Variants in PCGF6 observed in about 807,000 individuals in gnomAD.
PCGF6 encodes the protein polycomb group ring finger 6.
PCGF6 carries 24 observed loss-of-function variants against 45.5 expected under a neutral mutation model. The ratio of observed to expected loss-of-function variants is 0.53; its 90% confidence interval spans 0.38 to 0.74. The LOEUF is 0.74. Among genes scored for constraint, PCGF6 ranks in the 30% least tolerant of loss-of-function variants. The pLI, the probability that PCGF6 is intolerant of heterozygous loss-of-function variation, is 0.00. For synonymous variants in PCGF6, 152 were observed against 162.1 expected, an observed-to-expected ratio of 0.94 and a Z score of 0.47; for missense variants, 356 against 443.2, an observed-to-expected ratio of 0.80 and a Z score of 1.77.
chr10:103,347,407 T>G lies in PCGF6; in HGVS notation c.601A>C (p.Asn201His), dbSNP rs1393899480. The change falls in exon 4 of 10, where the codon AAT becomes CAT. Residue 201 changes from asparagine (N) to histidine (H), a missense_variant. Transcript: ENST00000369847. Reference protein sequence around the residue: ...LQDIVYKLVINLEEREKKQMH... With the variant: ...LQDIVYKLVIHLEEREKKQMH... ...AAAAGAAACTTACTTTCCTCTAGAT[T>G]GATCACTAATTTGTACACTATGTCT... 6.2e-7 allele frequency: 1 copy of G among 1,606,962 alleles called. No individual in the cohort carries two copies. The highest frequency in any genetic ancestry group is 1.7e-5 in the Admixed American group (1 of 59,886).
intron 2 of PCGF6, 24 bp from the exon 3 acceptor site, chr10:103,348,836 C>T: frequency 1.9e-6 from 3 of 1,605,910 alleles, no homozygotes; most frequent in Non-Finnish European, 1.7e-6. Flanking sequence ...ATGTTGAAGT[C>T]AGGATGCTTT....
At chr10:103,325,852 TAAAAA>T (rs34739627) in intron 8 of PCGF6, among the ~76,000 whole-genome samples, 2 of 135,240 alleles carry the variant, frequency 1.5e-5, no homozygotes, top group Non-Finnish European at 3.1e-5. Flanking sequence ...CCGCATCTCT[TAAAAA>T]AAAAAAAAAA....
rs2093150472 is a variant in PCGF6, at chr10:103,309,840, T to C, written c.996+4346A>G. Among the ~76,000 whole-genome samples the C allele has an allele frequency of 2.0e-5, 3 of 152,088 alleles. No homozygotes were observed. The South Asian group carries it at 6.2e-4, about 32-fold the overall frequency. ...CTGTTGTCCCAGCTACTTGGGAGGC[T>C]GAGGTGGGAAGAGATCAATTGAGCC... On this transcript the variant is annotated intron_variant, in intron 9 of 9. Coordinates refer to ENST00000369847, the MANE Select transcript of PCGF6 (RefSeq NM_001011663.2).
At chr10:103,349,211 C>A (rs2093310884) in intron 1 of PCGF6, among the ~76,000 whole-genome samples, 1 of 151,734 alleles carries the variant, frequency 6.6e-6, no homozygotes, top group African/African-American at 2.4e-5. Context: ...CCACGCCTGG[C>A]TAATTTTTGT....
intron 6 of PCGF6, among the ~76,000 whole-genome samples, chr10:103,337,986 C>T (rs2093263758): frequency 1.7e-5 from 1 of 57,198 alleles, no homozygotes; most frequent in African/African-American, 6.1e-5. Flanking sequence ...ATGGCGTGAA[C>T]CCGGGAGGCG....
intron 9 of PCGF6, among the ~76,000 whole-genome samples, chr10:103,313,615 T>C (rs1347979760): frequency 2.0e-5 from 3 of 149,606 alleles, no homozygotes; most frequent in Non-Finnish European, 2.9e-5. Flanking sequence ...CAGTAGCTGA[T>C]AGAAAAAAAA....
chr10:103,335,949 G>A (rs2093255696), intron 6 of PCGF6, among the ~76,000 whole-genome samples: 1 of 149,854 alleles, frequency 6.7e-6, no homozygotes, highest in Non-Finnish European at 1.5e-5. Flanking sequence ...CCCGGTGACA[G>A]TGCGAGACTC....
chr10:103,312,955 C>T (rs923754412), intron 9 of PCGF6, among the ~76,000 whole-genome samples: 1 of 138,620 alleles, frequency 7.2e-6, no homozygotes, highest in East Asian at 2.1e-4. Context: ...AGCGAGACTC[C>T]GTCTCAAAAA....
chr10:103,348,634 A>T, intron 3 of PCGF6, 82 bp downstream of exon 3: 1 of 1,101,690 alleles, frequency 9.1e-7, no homozygotes, highest in Non-Finnish European at 1.3e-6. Context: ...TGAGAGGTCA[A>T]TAATTTATTC....
At chr10:103,314,391 C>T (rs2093167520) in intron 8 of PCGF6, 119 bp from the exon 9 acceptor site, 1 of 602,540 alleles carries the variant, frequency 1.7e-6, no homozygotes, top group African/African-American at 1.9e-5. Context: ...TTATTTTAGA[C>T]TGATTAAACG....
chr10:103,330,799 C>T (rs569062840), intron 7 of PCGF6, among the ~76,000 whole-genome samples: 22 of 152,058 alleles, frequency 1.4e-4, no homozygotes, highest in Non-Finnish European at 2.4e-4. Context: ...CGTGGTGGGG[C>T]GCACCTGTAA....
At chr10:103,338,783 G>C (rs1025686958) in intron 6 of PCGF6, among the ~76,000 whole-genome samples, 1 of 151,742 alleles carries the variant, frequency 6.6e-6, no homozygotes, top group Non-Finnish European at 1.5e-5. Flanking sequence ...CAGGAGAATC[G>C]CTTGAACCCT....
At chr10:103,325,059 C>G (rs1376778195) in intron 8 of PCGF6, among the ~76,000 whole-genome samples, 1 of 151,132 alleles carries the variant, frequency 6.6e-6, no homozygotes, top group East Asian at 1.9e-4. Context: ...CGCCTGAACC[C>G]GGGGGGCGGA....
At chr10:103,340,198 A>AAATAT (rs1554865190) in intron 6 of PCGF6, among the ~76,000 whole-genome samples, 4 of 87,906 alleles carry the variant, frequency 4.6e-5, no homozygotes, top group African/African-American at 1.6e-4. Context: ...AAAAAAAAAA[A>AAATAT]ATATATATAT....
In PCGF6 at chr10:103,303,899, G is replaced by C. The variant is rs2093128133; in HGVS notation, c.*6C>G. ...TGTTTCCCTCCTCATAATGTGCCTA[G>C]AATCTTCAAGTTATCTTCAGAGGAG... On this transcript the variant is annotated 3_prime_UTR_variant, in exon 10 of 10. Transcript: ENST00000369847. 2 of 1,608,410 alleles carry C rather than the reference G, an allele frequency of 1.2e-6. No homozygotes were observed. The highest frequency in any genetic ancestry group is 1.3e-5 in the African/African-American group (1 of 74,854).
rs144517794 is a variant in PCGF6 at position 103,328,855 on chromosome 10, G to T, written c.811-2223C>A. Among the ~76,000 whole-genome samples the T allele has an allele frequency of 8.7e-3, 1,325 of 151,750 alleles. 16 individuals are homozygous for T. Among genetic ancestry groups the T allele is most frequent in the African/African-American group, 0.029 (1,216 of 41,368 alleles). ...CAACCTCTGCCTTCCGGATTCAAGCGATTCTCTTGCCTCAGCCTCCCAAGT... is the reference window on the plus strand; with the variant it reads ...CAACCTCTGCCTTCCGGATTCAAGCTATTCTCTTGCCTCAGCCTCCCAAGT... On this transcript the variant is annotated intron_variant, in intron 7 of 9. Coordinates refer to ENST00000369847, the MANE Select transcript of PCGF6 (RefSeq NM_001011663.2).
intron 9 of PCGF6, among the ~76,000 whole-genome samples, chr10:103,307,156 C>A (rs1350444146): frequency 6.6e-6 from 1 of 151,796 alleles, no homozygotes; most frequent in African/African-American, 2.4e-5. Flanking sequence ...AAACACAAGG[C>A]CAGGTGTGGT....
At chr10:103,317,293 G>A (rs1270483598) in intron 8 of PCGF6, among the ~76,000 whole-genome samples, 1 of 152,106 alleles carries the variant, frequency 6.6e-6, no homozygotes, top group Admixed American at 6.6e-5. Flanking sequence ...TTACAGGCAT[G>A]AGCCAAATCA....
chr10:103,343,371 CA>C lies in PCGF6; in HGVS notation c.782+1652del, dbSNP rs1363982881. On this transcript the variant is annotated intron_variant, in intron 6 of 9. Coordinates refer to ENST00000369847, the MANE Select transcript of PCGF6 (RefSeq NM_001011663.2). ...AGAAGTAAAATAGTCATCAGTGATACAACATGAGAAATCTAGATTTTTTCCA... is the reference window on the plus strand; with the variant it reads ...AGAAGTAAAATAGTCATCAGTGATACACATGAGAAATCTAGATTTTTTCCA... Among the ~76,000 whole-genome samples, 60 of 151,796 alleles carry C rather than the reference CA, an allele frequency of 4.0e-4. 1 individual carries two copies. Among genetic ancestry groups the C allele is most frequent in the African/African-American group, 1.4e-3 (58 of 41,398 alleles).
Sources: allele counts gnomAD v4.1 joint callset (sites outside exome capture counted in the v4.1 genomes callset), GRCh38; gene constraint gnomAD v4.1.1; transcripts MANE v1.5; gene names NCBI Gene and HGNC (gene_info 2026-07-23, HGNC 2026-07-21).